Variants in ANTXR1 observed in about 807,000 individuals in gnomAD.
ANTXR1 encodes the protein ANTXR cell adhesion molecule 1.
ANTXR1 carries 19 observed loss-of-function variants against 78.1 expected under a neutral mutation model. The observed-to-expected ratio is 0.24, with a 90% CI of 0.17 to 0.36. ANTXR1 has a LOEUF of 0.36. ANTXR1 is among the 10% of genes least tolerant of loss of function. ANTXR1 has a pLI of 1.00. For synonymous variants in ANTXR1, 273 were observed against 260.5 expected (o/e 1.05, Z -0.46); for missense variants, 518 against 718.6 (o/e 0.72, Z 3.19).
At chr2:69,234,008 A>T (rs1440857947) in intron 17 of ANTXR1, among the ~76,000 whole-genome samples, 2 of 152,170 alleles carry the variant, frequency 1.3e-5, no homozygotes, top group African/African-American at 4.8e-5. Context: ...ACAAATTTGG[A>T]ATGTGCTATT....
At chr2:69,202,549 G>C (rs972864047) in intron 17 of ANTXR1, among the ~76,000 whole-genome samples, 2 of 152,214 alleles carry the variant, frequency 1.3e-5, no homozygotes, top group Non-Finnish European at 2.9e-5. Context: ...AGATCCAGTA[G>C]AGGAAGGGGT....
intron 1 of ANTXR1, among the ~76,000 whole-genome samples, chr2:69,021,439 C>T (rs921860331): frequency 6.6e-6 from 1 of 152,208 alleles, no homozygotes; most frequent in Non-Finnish European, 1.5e-5. Flanking sequence ...TCTGCATATA[C>T]TACATGTCTG....
At chr2:69,151,513 C>G (rs1279609567) in intron 12 of ANTXR1, among the ~76,000 whole-genome samples, 2 of 152,186 alleles carry the variant, frequency 1.3e-5, no homozygotes, top group Non-Finnish European at 2.9e-5. Flanking sequence ...GTGTCTAGGA[C>G]TGGCCTCGCC....
rs144797877 is a variant in ANTXR1, at chr2:69,209,396, G to T, written c.1434+15981G>T. The stretch of plus-strand genomic sequence containing the variant: ...TACTGGGAAATTATCTTTACAGAGG[G>T]CTCGAGTGCCTGTGCCCCACAGCTG... On this transcript the variant is annotated intron_variant, in intron 17 of 17. Coordinates refer to ENST00000303714, the MANE Select transcript of ANTXR1 (RefSeq NM_032208.3). 1.7e-3 allele frequency among the ~76,000 whole-genome samples: 254 copies of T among 152,326 alleles called. 3 individuals are homozygous for T. The East Asian group carries it at 0.046, about 27-fold the overall frequency.
At chr2:69,070,551 G>C in intron 3 of ANTXR1, 96 bp from the exon 4 acceptor site, 1 of 1,123,224 alleles carries the variant, frequency 8.9e-7, no homozygotes, top group Non-Finnish European at 1.4e-6. Context: ...CTAGACAGCA[G>C]TATCCACAGA....
chr2:69,026,378 G>T lies in ANTXR1; in HGVS notation c.152+12727G>T, dbSNP rs920328796. Among the ~76,000 whole-genome samples the T allele has an allele frequency of 2.0e-5, 3 of 152,184 alleles. 1 individual carries two copies. Among genetic ancestry groups the T allele is most frequent in the Admixed American group, 1.3e-4 (2 of 15,274 alleles). The stretch of plus-strand genomic sequence containing the variant: ...ATCTGGAAAAAGGGAGATAATAATA[G>T]TATGTGTCACATAAGGTTGTGCTCA... On this transcript the variant is annotated intron_variant, in intron 1 of 17. Transcript: ENST00000303714.
At chr2:69,116,883 T>G (rs1672161255) in intron 10 of ANTXR1, among the ~76,000 whole-genome samples, 1 of 152,242 alleles carries the variant, frequency 6.6e-6, no homozygotes, top group Admixed American at 6.5e-5. Context: ...GGTGTTTGAA[T>G]TGGCTAATGA....
At chr2:69,066,461 A>AT (rs199731730) in intron 3 of ANTXR1, among the ~76,000 whole-genome samples, 2 of 151,648 alleles carry the variant, frequency 1.3e-5, no homozygotes, top group South Asian at 2.1e-4. Flanking sequence ...ATGCCCAGCT[A>AT]TTTTTTTTAA....
At chr2:69,072,515 C>T (rs1670598009) in intron 5 of ANTXR1, among the ~76,000 whole-genome samples, 1 of 152,202 alleles carries the variant, frequency 6.6e-6, no homozygotes, top group Admixed American at 6.5e-5. Flanking sequence ...GCCTAAAAAT[C>T]ACTGAAATAA....
chr2:69,105,790 A>G (rs1671789291), intron 10 of ANTXR1, among the ~76,000 whole-genome samples: 1 of 152,154 alleles, frequency 6.6e-6, no homozygotes, highest in Non-Finnish European at 1.5e-5. Flanking sequence ...AATTTGTGAC[A>G]AAAAGAGAAC....
intron 17 of ANTXR1, among the ~76,000 whole-genome samples, chr2:69,239,102 C>A (rs1675839304): frequency 6.6e-6 from 1 of 152,258 alleles, no homozygotes; most frequent in African/African-American, 2.4e-5. Context: ...AGAAGGCAGA[C>A]CTCCAATTTT....
At chr2:69,199,596 G>A (rs770654688) in intron 17 of ANTXR1, among the ~76,000 whole-genome samples, 14 of 152,162 alleles carry the variant, frequency 9.2e-5, no homozygotes, top group African/African-American at 1.2e-4. Context: ...AGATCAGAGC[G>A]TGGACTCCAG....
chr2:69,102,815 G>T, intron 9 of ANTXR1, 27 bp from the exon 10 acceptor site: 1 of 1,603,896 alleles, frequency 6.2e-7, no homozygotes, highest in South Asian at 1.1e-5. Flanking sequence ...GCCAAGTAAC[G>T]AGTCTCGTCA....
At chr2:69,176,433 G>T (rs1032072987) in intron 14 of ANTXR1, among the ~76,000 whole-genome samples, 4 of 152,110 alleles carry the variant, frequency 2.6e-5, no homozygotes, top group Non-Finnish European at 4.4e-5. Context: ...ACATTGAGGG[G>T]ATCTCCCTGA....
intron 14 of ANTXR1, among the ~76,000 whole-genome samples, chr2:69,172,920 T>A (rs1674033317): frequency 6.6e-6 from 1 of 152,188 alleles, no homozygotes; most frequent in African/African-American, 2.4e-5. Context: ...CCAGTGGGGA[T>A]CCCTCCCTAA....
intron 17 of ANTXR1, among the ~76,000 whole-genome samples, chr2:69,231,332 G>A (rs1050246501): frequency 5.9e-5 from 9 of 152,058 alleles, no homozygotes; most frequent in African/African-American, 2.2e-4. Flanking sequence ...GGGGACCTTG[G>A]GTTCCAGTGG....
At chr2:69,139,506 T>A (rs1190195746) in intron 12 of ANTXR1, among the ~76,000 whole-genome samples, 1 of 152,210 alleles carries the variant, frequency 6.6e-6, no homozygotes, top group Non-Finnish European at 1.5e-5. Flanking sequence ...CAATGGGAAA[T>A]AAGTTCTTGG....
intron 9 of ANTXR1, among the ~76,000 whole-genome samples, chr2:69,101,881 A>G (rs965455292): frequency 6.6e-6 from 1 of 152,248 alleles, no homozygotes; most frequent in Non-Finnish European, 1.5e-5. Context: ...AGATACCAAC[A>G]AACTTAAGCA....
In ANTXR1 at chr2:69,025,253, G is replaced by C. The variant is rs190213720; in HGVS notation, c.152+11602G>C. Among the ~76,000 whole-genome samples the C allele has an allele frequency of 2.0e-3, 300 of 152,098 alleles. 1 individual carries two copies. The highest frequency in any genetic ancestry group is 7.0e-3 in the African/African-American group (290 of 41,484). On this transcript the variant is annotated intron_variant, in intron 1 of 17. Transcript: ENST00000303714. ...GTGGTAAGAAAAAAAATAATAATAA[G>C]AACAACCACTTTTCTATGTTATTTC...
Sources: gnomAD v4.1 joint callset for allele counts (sites outside exome capture counted in the v4.1 genomes callset) on GRCh38, gnomAD v4.1.1 for gene constraint, MANE v1.5 for transcripts, NCBI Gene and HGNC (gene_info 2026-07-23, HGNC 2026-07-21) for gene names.